Variants in IGF2BP3 observed in about 807,000 individuals in gnomAD.
The protein encoded by IGF2BP3 is insulin like growth factor 2 mRNA binding protein 3.
A neutral mutation model predicts 73.8 loss-of-function variants in IGF2BP3; 9 were observed. That is an observed-to-expected ratio of 0.12 (90% CI 0.07 to 0.21). The LOEUF (loss-of-function observed/expected upper bound fraction) is 0.21, where lower values mean the gene tolerates loss of function less well. IGF2BP3 is among the 10% of genes least tolerant of loss of function. The pLI is 1.00. For synonymous variants in IGF2BP3, 258 were observed against 256.7 expected, an observed-to-expected ratio of 1.01 and a Z score of -0.05; for missense variants, 542 against 714.0, an observed-to-expected ratio of 0.76 and a Z score of 2.75.
chr7:23,439,415 C>T (rs901656753), intron 2 of IGF2BP3, among the ~76,000 whole-genome samples: 2 of 151,152 alleles, frequency 1.3e-5, no homozygotes, highest in Non-Finnish European at 2.9e-5. Context: ...AAAAATTAGC[C>T]GGGTGTGGTG....
chr7:23,403,868 A>T (rs754883745), intron 3 of IGF2BP3, among the ~76,000 whole-genome samples: 1 of 152,104 alleles, frequency 6.6e-6, no homozygotes, highest in Non-Finnish European at 1.5e-5. Context: ...CACGACTGTA[A>T]TCCCAACACT....
intron 3 of IGF2BP3, among the ~76,000 whole-genome samples, chr7:23,407,312 G>GA (rs1357095069): frequency 0.028 from 3,802 of 134,748 alleles, 64 homozygotes; most frequent in Non-Finnish European, 0.046. Context: ...TTGAGCATAA[G>GA]AAAAAAAAAA....
intron 7 of IGF2BP3, 149 bp downstream of exon 7, chr7:23,347,451 A>C (rs1347263438): frequency 8.1e-6 from 6 of 738,150 alleles, no homozygotes; most frequent in Non-Finnish European, 1.3e-5. Flanking sequence ...CATACACTTC[A>C]CAACCAGATC....
At chr7:23,405,884 A>T (rs536043034) in intron 3 of IGF2BP3, among the ~76,000 whole-genome samples, 1 of 152,214 alleles carries the variant, frequency 6.6e-6, no homozygotes, top group Admixed American at 6.5e-5. Context: ...ACTGATGTGA[A>T]ACTAAAGGTT....
chr7:23,411,984 CTTTTT>C (rs767524257), intron 3 of IGF2BP3, among the ~76,000 whole-genome samples: 2 of 104,830 alleles, frequency 1.9e-5, no homozygotes, highest in African/African-American at 8.6e-5. Context: ...ACTTATTTCT[CTTTTT>C]TTTTTTTTTT....
rs141094011 is a variant in IGF2BP3 at position 23,380,415 on chromosome 7, G to A, written c.286-18674C>T. ...CCTGACCTCGTGATCCATCCGCTTC[G>A]GCCTCCCAAAGTGCTGGGGTTACAG... On this transcript the variant is annotated intron_variant, in intron 3 of 14. Transcript: ENST00000258729. Among the ~76,000 whole-genome samples, 462 of 151,954 alleles carry A rather than the reference G, an allele frequency of 3.0e-3. 9 individuals carry two copies. The highest frequency in any genetic ancestry group is 0.023 in the Admixed American group (354 of 15,252).
intron 12 of IGF2BP3, 43 bp downstream of exon 12, chr7:23,317,596 C>G: frequency 6.9e-7 from 1 of 1,456,852 alleles, no homozygotes; most frequent in Admixed American, 1.7e-5. Flanking sequence ...ACTACCTGTG[C>G]ATTTGTTACC....
intron 2 of IGF2BP3, among the ~76,000 whole-genome samples, chr7:23,455,335 T>C (rs1458912944): frequency 6.6e-6 from 1 of 152,176 alleles, no homozygotes; most frequent in Admixed American, 6.5e-5. Flanking sequence ...CACCCCAGGA[T>C]GTTTCACACT....
intron 10 of IGF2BP3, among the ~76,000 whole-genome samples, chr7:23,341,296 C>T (rs1784706625): frequency 6.6e-6 from 1 of 152,196 alleles, no homozygotes; most frequent in Admixed American, 6.5e-5. Context: ...CACACAGAGT[C>T]ACTCCTGACC....
chr7:23,392,008 G>T (rs966376798), intron 3 of IGF2BP3, among the ~76,000 whole-genome samples: 12 of 152,172 alleles, frequency 7.9e-5, no homozygotes, highest in Non-Finnish European at 1.6e-4. Flanking sequence ...GCTCTTCTAG[G>T]ATATTAATGA....
chr7:23,426,351 G>A, intron 2 of IGF2BP3, among the ~76,000 whole-genome samples: 1 of 122,680 alleles, frequency 8.2e-6, no homozygotes, highest in Non-Finnish European at 1.6e-5. Flanking sequence ...GGGGGGTGGG[G>A]CCAAAATTGC....
chr7:23,468,379 AC>A, intron 2 of IGF2BP3, 102 bp downstream of exon 2: 1 of 1,184,822 alleles, frequency 8.4e-7, no homozygotes, highest in East Asian at 2.3e-5. Flanking sequence ...ACCACGCCAC[AC>A]GGCAGGGGGT....
intron 2 of IGF2BP3, among the ~76,000 whole-genome samples, chr7:23,426,425 A>G (rs531724188): frequency 2.6e-5 from 4 of 152,124 alleles, no homozygotes; most frequent in Non-Finnish European, 5.9e-5. Context: ...CAGTACTCAA[A>G]TTTTCCTGAT....
At chr7:23,387,726 T>C (rs1385115186) in intron 3 of IGF2BP3, among the ~76,000 whole-genome samples, 1 of 152,174 alleles carries the variant, frequency 6.6e-6, no homozygotes, top group Admixed American at 6.6e-5. Context: ...GAGAGCATTA[T>C]ACTAAGAGAA....
In IGF2BP3 at chr7:23,449,681, C is replaced by T. The variant is rs112427333; in HGVS notation, c.236+18801G>A. On this transcript the variant is annotated intron_variant, in intron 2 of 14. Coordinates refer to ENST00000258729, the MANE Select transcript of IGF2BP3 (RefSeq NM_006547.3). The stretch of plus-strand genomic sequence containing the variant: ...GAAGGGATTCTCGTGCCTCAGCCTC[C>T]TGAGTAGCTGGGACCACAGGTATGC... Among the ~76,000 whole-genome samples, 673 of 151,456 alleles carry T rather than the reference C, an allele frequency of 4.4e-3. 1 individual carries two copies. The highest frequency in any genetic ancestry group is 7.3e-3 in the Non-Finnish European group (496 of 67,868).
At chr7:23,448,851 C>T (rs1296059132) in intron 2 of IGF2BP3, among the ~76,000 whole-genome samples, 2 of 151,942 alleles carry the variant, frequency 1.3e-5, no homozygotes, top group African/African-American at 2.4e-5. Context: ...AAGCTGGTCT[C>T]GATCTCCTGA....
intron 3 of IGF2BP3, among the ~76,000 whole-genome samples, chr7:23,399,809 C>T (rs377152906): frequency 3.9e-5 from 6 of 152,234 alleles, no homozygotes; most frequent in Middle Eastern, 3.4e-3. Context: ...TCATTAAGGT[C>T]GGTAGATGGG....
chr7:23,364,149 G>A (rs1466765484), intron 3 of IGF2BP3, among the ~76,000 whole-genome samples: 2 of 152,184 alleles, frequency 1.3e-5, no homozygotes, highest in African/African-American at 2.4e-5. Context: ...GCCGAGGCAG[G>A]TGGATCACGA....
intron 10 of IGF2BP3, among the ~76,000 whole-genome samples, chr7:23,326,366 G>T (rs1784295963): frequency 6.6e-6 from 1 of 152,170 alleles, no homozygotes; most frequent in Non-Finnish European, 1.5e-5. Flanking sequence ...ACCACAGTGA[G>T]ATACCATCTC....
Sources: allele counts gnomAD v4.1 joint callset (sites outside exome capture counted in the v4.1 genomes callset), GRCh38; gene constraint gnomAD v4.1.1; transcripts MANE v1.5; gene names NCBI Gene and HGNC (gene_info 2026-07-23, HGNC 2026-07-21).